The following SH3PXD2B variants were observed in gnomAD, a reference collection of about 807,000 sequenced individuals.
SH3PXD2B encodes SH3 and PX domains 2B.
SH3PXD2B carries 37 observed loss-of-function variants against 73.1 expected under a neutral mutation model. The observed-to-expected ratio is 0.51, with a 90% CI of 0.39 to 0.67. SH3PXD2B has a LOEUF of 0.67. Ranked by LOEUF, SH3PXD2B falls within the 30% of genes least tolerant of loss-of-function variation. SH3PXD2B has a pLI of 0.00. For synonymous variants in SH3PXD2B, 457 were observed against 480.5 expected, an observed-to-expected ratio of 0.95 and a Z score of 0.64; for missense variants, 1,053 against 1,197.8, an observed-to-expected ratio of 0.88 and a Z score of 1.78.
At chr5:172,344,567 A>G (rs1040606980) in intron 12 of SH3PXD2B, among the ~76,000 whole-genome samples, 4 of 147,482 alleles carry the variant, frequency 2.7e-5, no homozygotes, top group Non-Finnish European at 4.5e-5. Flanking sequence ...CAGCCTGGGC[A>G]ACAGAGGAGC....
chr5:172,404,679 T>C (rs1046092481), intron 3 of SH3PXD2B, among the ~76,000 whole-genome samples: 1 of 152,176 alleles, frequency 6.6e-6, no homozygotes, highest in Non-Finnish European at 1.5e-5. Context: ...TACATAAAAA[T>C]CATCATAGTA....
chr5:172,451,295 A>C, intron 1 of SH3PXD2B, among the ~76,000 whole-genome samples: 1 of 152,244 alleles, frequency 6.6e-6, no homozygotes, highest in South Asian at 2.1e-4. Context: ...GGGTAGTGGG[A>C]AATTAGGGGG....
At chr5:172,368,893 T>A (rs182997512) in intron 6 of SH3PXD2B, among the ~76,000 whole-genome samples, 3,892 of 134,282 alleles carry the variant, frequency 0.029, 75 homozygotes, top group Middle Eastern at 0.11. Context: ...TAAAAAAAAA[T>A]ATATATATAT....
Position 172,422,493 on chromosome 5 carries a change from A to T in SH3PXD2B, c.79T>A (p.Tyr27Asn). ...CTGGACCACGTGACCCGGATGATGT[A>T]GACCTGCGGGAGCAACAGAGGAGAT... ...KRRVPNKHYV[Y>N]IIRVTWSSGS... The change falls in exon 2 of 13, where the codon TAC becomes AAC. Residue 27 changes from tyrosine (Y) to asparagine (N), a missense_variant. By Grantham distance (143) the Tyr-to-Asn change is moderately radical. Around this residue, in one of 2 missense-constraint regions of SH3PXD2B, gnomAD observed 466 missense variants for 607.1 expected, o/e 0.77. Transcript: ENST00000311601. 1 of 1,611,510 alleles carries T rather than the reference A, an allele frequency of 6.2e-7. No homozygotes were observed. Among genetic ancestry groups the T allele is most frequent in the Non-Finnish European group, 8.5e-7 (1 of 1,179,430 alleles).
rs540806633 is a variant in SH3PXD2B, at chr5:172,327,079, C to T, written c.1189-1699G>A. ...TTCACCATGTTGGCCACGCTGGTCT[C>T]GAACTCCTGACCTCAGGTGATCCGC... On this transcript the variant is annotated intron_variant, in intron 12 of 12. Coordinates refer to the SH3PXD2B transcript ENST00000519643. 3.5e-3 allele frequency among the ~76,000 whole-genome samples: 533 copies of T among 152,134 alleles called. 3 individuals are homozygous for T. Among genetic ancestry groups the T allele is most frequent in the African/African-American group, 0.011 (467 of 41,504 alleles).
At position 172,337,270 on chromosome 5, in the gene SH3PXD2B, C is replaced by T. The variant is rs1408582638; in HGVS notation, c.*1099G>A. On this transcript the variant is annotated 3_prime_UTR_variant, in exon 13 of 13. Transcript: ENST00000311601. The stretch of plus-strand genomic sequence containing the variant: ...CCCCCTCACAATGAAGCCACTTGGC[C>T]ACCACTTAGCCAGCTTCTATCTCTT... The T allele has an allele frequency of 8.1e-6, 8 of 985,712 alleles. No individual in the cohort carries two copies. The highest frequency in any genetic ancestry group is 9.6e-6 in the Non-Finnish European group (8 of 830,240). 61.1% of individuals were successfully genotyped at this position (985,712 alleles called of 1,614,324 possible). A position where few individuals can be genotyped will look rare whatever the true frequency, so the allele number is the denominator to read the frequency against.
intron 6 of SH3PXD2B, among the ~76,000 whole-genome samples, chr5:172,368,546 TA>T (rs1757600335): frequency 4.2e-5 from 1 of 23,912 alleles, no homozygotes; most frequent in Non-Finnish European, 5.8e-5. Context: ...ATATAAAATA[TA>T]TATATATTAT....
At chr5:172,364,659 C>T (rs765377498) in intron 6 of SH3PXD2B, among the ~76,000 whole-genome samples, 78 of 151,292 alleles carry the variant, frequency 5.2e-4, no homozygotes, top group Admixed American at 9.9e-4. Context: ...AACAAAACTC[C>T]GTCCTCCGCT....
At position 172,339,108 on chromosome 5, in the gene SH3PXD2B, A is replaced by C. The variant is rs1180186910; in HGVS notation, c.1997T>G (p.Leu666Arg). Residue 666 changes from leucine (L) to arginine (R), a missense_variant, in exon 13 of 13, where the codon CTC (leucine) becomes CGC (arginine). Around this residue, in one of 2 missense-constraint regions of SH3PXD2B, gnomAD observed 587 missense variants for 590.7 expected, o/e 0.99. Transcript: ENST00000311601. This position sits in a 1 kb window ranked among gnomAD's most constrained non-coding sequence, Gnocchi z 6.1. ...CTTGGCAGGCCTGAGCTTACTCCTG[A>C]GGTTGCAGATGTCGACTTGGTCTTC... The part of the protein sequence containing the change: ...QGEDQVDICN[L>R]RSKLRPAKSQ... 1.9e-6 allele frequency: 3 copies of C among 1,614,138 alleles called. No individual in the cohort carries two copies. The highest frequency in any genetic ancestry group is 2.5e-6 in the Non-Finnish European group (3 of 1,180,020).
At chr5:172,422,068 C>A (rs925225422) in intron 2 of SH3PXD2B, among the ~76,000 whole-genome samples, 1 of 151,674 alleles carries the variant, frequency 6.6e-6, no homozygotes, top group Non-Finnish European at 1.5e-5. Flanking sequence ...GATCTCGGCT[C>A]ACTGCAACCT....
chr5:172,439,731 C>T (rs532299656), intron 1 of SH3PXD2B, among the ~76,000 whole-genome samples: 1 of 148,814 alleles, frequency 6.7e-6, no homozygotes, highest in Non-Finnish European at 1.5e-5. Flanking sequence ...CACACACACA[C>T]AGCTGCCCAC....
intron 2 of SH3PXD2B, among the ~76,000 whole-genome samples, chr5:172,410,299 AG>A (rs1233215676): frequency 6.6e-6 from 1 of 152,140 alleles, no homozygotes; most frequent in African/African-American, 2.4e-5. Flanking sequence ...CATCCTTGCC[AG>A]TATTTTAAAC....
At chr5:172,362,603 G>A (rs998759131) in intron 7 of SH3PXD2B, 132 bp downstream of exon 7, 2 of 1,280,612 alleles carry the variant, frequency 1.6e-6, no homozygotes, top group East Asian at 2.3e-5. Flanking sequence ...CTCTTTCTAG[G>A]AGACCCTCAG....
At chr5:172,383,858 T>C (rs1033585546) in intron 4 of SH3PXD2B, among the ~76,000 whole-genome samples, 2 of 151,772 alleles carry the variant, frequency 1.3e-5, no homozygotes, top group African/African-American at 4.8e-5. Context: ...CTTTCTTTTT[T>C]TTTTTTTGAG....
chr5:172,353,613 G>C lies in SH3PXD2B; in HGVS notation c.785+275C>G, dbSNP rs186581334. ...AACTCCTCATTATGAGAAACATCTG[G>C]AGGTGGAAACCAGCCTTGCTTAATG... On this transcript the variant is annotated intron_variant, in intron 9 of 12. Coordinates refer to ENST00000311601, the MANE Select transcript of SH3PXD2B (RefSeq NM_001017995.3). The surrounding 1 kb of genome is among the most constrained non-coding windows in gnomAD (Gnocchi z 4.3). Among the ~76,000 whole-genome samples, 45 of 152,324 alleles carry C rather than the reference G, an allele frequency of 3.0e-4. No individual in the cohort carries two copies. The highest frequency in any genetic ancestry group is 1.5e-5 in the Non-Finnish European group (1 of 68,032).
rs1028277487 is a variant in SH3PXD2B, at chr5:172,334,940, G to A, written c.*3429C>T. 2.9e-5 allele frequency: 29 copies of A among 985,312 alleles called. No homozygotes were observed. Among genetic ancestry groups the A allele is most frequent in the Non-Finnish European group, 8.4e-6 (7 of 829,954 alleles). The allele number at this position is 985,312 out of a possible 1,614,324, so 61.0% of individuals were successfully genotyped here. A position where few individuals can be genotyped will look rare whatever the true frequency, so the allele number is the denominator to read the frequency against. On this transcript the variant is annotated 3_prime_UTR_variant, in exon 13 of 13. Transcript: ENST00000311601. ...GATTCTATGGCGTGGCCTTGTGGCAGAGGTTTAAAATGACTACCGTAACCT... is the reference window on the plus strand; with the variant it reads ...GATTCTATGGCGTGGCCTTGTGGCAAAGGTTTAAAATGACTACCGTAACCT...
At chr5:172,329,083 A>ATATATTTTTTTTTTTTT (rs58472514), downstream of SH3PXD2B, among the ~76,000 whole-genome samples, 2 of 61,812 alleles carry the variant, frequency 3.2e-5, no homozygotes, top group African/African-American at 1.6e-4. Context: ...ATATATATAT[A>ATATATTTTTTTTTTTTT]TTTTTTTTTT....
chr5:172,421,298 G>A lies in SH3PXD2B; in HGVS notation c.156+1118C>T, dbSNP rs2113462240. Among the ~76,000 whole-genome samples the A allele has an allele frequency of 6.6e-6, 1 of 152,288 alleles. No homozygotes were observed. The highest frequency in any genetic ancestry group is 3.4e-3 in the Middle Eastern group (1 of 294). On this transcript the variant is annotated intron_variant, in intron 2 of 12. Transcript: ENST00000311601. The surrounding 1 kb of genome is among the most constrained non-coding windows in gnomAD (Gnocchi z 4.0). ...ATCAAGAAGAAACTACTAACCCACT[G>A]GTTAGACTTGTTTTACCCTAATGGG... is the stretch of plus-strand genomic sequence containing the variant.
rs1030376142 is a variant in SH3PXD2B, at chr5:172,337,467, C to T, written c.*902G>A. 209 of 983,202 alleles carry T rather than the reference C, an allele frequency of 2.1e-4. No homozygotes were observed. The highest frequency in any genetic ancestry group is 2.5e-4 in the Admixed American group (4 of 16,260). 60.9% of individuals were successfully genotyped at this position (983,202 alleles called of 1,614,324 possible). A position where few individuals can be genotyped will look rare whatever the true frequency, so the allele number is the denominator to read the frequency against. ...TGAGGGTCAAAGCATGAATGCAAAG[C>T]GCCAAGTACAGTGTTTGGCACCCAC... is the stretch of plus-strand genomic sequence containing the variant. On this transcript the variant is annotated 3_prime_UTR_variant, in exon 13 of 13. Coordinates refer to ENST00000311601, the MANE Select transcript of SH3PXD2B (RefSeq NM_001017995.3).
Sources: allele counts gnomAD v4.1 joint callset (sites outside exome capture counted in the v4.1 genomes callset), GRCh38; gene constraint gnomAD v4.1.1; regional missense constraint gnomAD v4.1.1; non-coding constraint Gnocchi (gnomAD v3.1); transcripts MANE v1.5; gene names NCBI Gene and HGNC (gene_info 2026-07-23, HGNC 2026-07-21).